The following DISP3 variants were observed in gnomAD, a reference collection of about 807,000 sequenced individuals.
DISP3 encodes the protein protein dispatched homolog 3.
In DISP3, 101 loss-of-function variants were observed where a neutral mutation model predicts 135.3. That is an observed-to-expected ratio of 0.75 (90% CI 0.64 to 0.88). The LOEUF is 0.88. DISP3 is among the 40% of genes least tolerant of loss of function. The pLI is 0.00. For synonymous variants in DISP3, 856 were observed against 817.0 expected, an observed-to-expected ratio of 1.05 and a Z score of -0.81; for missense variants, 1,713 against 1,878.6, an observed-to-expected ratio of 0.91 and a Z score of 1.63.
chr1:11,535,359 C>G (rs1364746417), intron 19 of DISP3, 119 bp from the exon 20 acceptor site: 1 of 1,393,820 alleles, frequency 7.2e-7, no homozygotes, highest in Admixed American at 2.1e-5. Flanking sequence ...CAGGGGTCCC[C>G]TCGGTGTGCC....
In DISP3 at chr1:11,530,530, G is replaced by A. The variant is rs563787910; in HGVS notation, c.3103-377G>A. Among the ~76,000 whole-genome samples the A allele has an allele frequency of 6.3e-4, 96 of 152,218 alleles. 1 individual carries two copies. Among genetic ancestry groups the A allele is most frequent in the African/African-American group, 2.2e-3 (93 of 41,530 alleles). On this transcript the variant is annotated intron_variant, in intron 15 of 20. Coordinates refer to ENST00000294484, the MANE Select transcript of DISP3 (RefSeq NM_020780.2). ...GAGTCGGAGGAGATCTGTGTGTTCA[G>A]TCCACACTGGGTGTCTGCAGGCGCT...
Position 11,516,349 on chromosome 1 carries a change from A to G in DISP3, c.1749+188A>G, listed in dbSNP as rs1296954941. Reference sequence around the variant, plus strand: ...CCCAAACTTAACAAGTGGGAATATTATAATAATCCAGACAGCATGCATTAG... The same window carrying G: ...CCCAAACTTAACAAGTGGGAATATTGTAATAATCCAGACAGCATGCATTAG... On this transcript the variant is annotated intron_variant, in intron 6 of 20. Coordinates refer to ENST00000294484, the MANE Select transcript of DISP3 (RefSeq NM_020780.2). This position sits in a 1 kb window ranked among gnomAD's most constrained non-coding sequence, Gnocchi z 5.1. 3.9e-5 allele frequency among the ~76,000 whole-genome samples: 6 copies of G among 152,218 alleles called. No homozygotes were observed. Among genetic ancestry groups the G allele is most frequent in the Admixed American group, 3.9e-4 (6 of 15,290 alleles).
chr1:11,490,796 C>T (rs1325412385), intron 1 of DISP3, among the ~76,000 whole-genome samples: 2 of 152,136 alleles, frequency 1.3e-5, no homozygotes, highest in East Asian at 1.9e-4. Context: ...TCCAATCCAG[C>T]TCAGCTCTGT....
intron 13 of DISP3, among the ~76,000 whole-genome samples, chr1:11,527,922 A>G (rs1642470556): frequency 6.6e-6 from 1 of 152,044 alleles, no homozygotes; most frequent in Non-Finnish European, 1.5e-5. Context: ...TCCTGGCCCC[A>G]TTGCCACCTG....
At chr1:11,509,843 G>A (rs1641808889) in intron 3 of DISP3, among the ~76,000 whole-genome samples, 1 of 152,190 alleles carries the variant, frequency 6.6e-6, no homozygotes, top group Non-Finnish European at 1.5e-5. Context: ...GCTCACGCCT[G>A]TAATCCTAGC....
chr1:11,536,863 G>A lies in DISP3; in HGVS notation c.*177G>A. 1 of 926,354 alleles carries A rather than the reference G, an allele frequency of 1.1e-6. No homozygotes were observed. The highest frequency in any genetic ancestry group is 1.5e-6 in the Non-Finnish European group (1 of 648,594). The allele number at this position is 926,354 out of a possible 1,614,324, so 57.4% of individuals were successfully genotyped here. A position where few individuals can be genotyped will look rare whatever the true frequency, so the allele number is the denominator to read the frequency against. ...TGGACCATGCTGCCTTGTGGAGCTG[G>A]GAGTTGGAGACAGCCGCCACCCCAC... On this transcript the variant is annotated 3_prime_UTR_variant, in exon 21 of 21. Coordinates refer to ENST00000294484, the MANE Select transcript of DISP3 (RefSeq NM_020780.2). The surrounding 1 kb of genome is among the most constrained non-coding windows in gnomAD (Gnocchi z 4.3).
rs1298752356 is a variant in DISP3, at chr1:11,536,128, G to A, written c.3817-196G>A. ...TCAACTCAGTTACACAGGACCTACT[G>A]TGCAGACCCTCGCGTCCTGTTGCCA... On this transcript the variant is annotated intron_variant, in intron 20 of 20. Transcript: ENST00000294484. This position sits in a 1 kb window ranked among gnomAD's most constrained non-coding sequence, Gnocchi z 4.3. 2.0e-5 allele frequency among the ~76,000 whole-genome samples: 3 copies of A among 152,160 alleles called. No individual in the cohort carries two copies. Among genetic ancestry groups the A allele is most frequent in the African/African-American group, 4.8e-5 (2 of 41,426 alleles).
intron 2 of DISP3, 42 bp downstream of exon 2, chr1:11,502,130 T>G: frequency 3.3e-6 from 5 of 1,518,214 alleles, no homozygotes; most frequent in Non-Finnish European, 4.4e-6. Context: ...GGTCCAGGTT[T>G]CATACAGCTC....
intron 1 of DISP3, among the ~76,000 whole-genome samples, chr1:11,489,788 C>G (rs1372395039): frequency 6.6e-6 from 1 of 152,218 alleles, no homozygotes; most frequent in Non-Finnish European, 1.5e-5. Flanking sequence ...GCCCCAGGCA[C>G]AGATCCCCTG....
rs1020091708 is a variant in DISP3 at position 11,530,877 on chromosome 1, C to T, written c.3103-30C>T. 3.7e-6 allele frequency: 6 copies of T among 1,612,408 alleles called. No homozygotes were observed. The South Asian group carries it at 5.5e-5, about 15-fold the overall frequency. ...ACTGAGTCCCCGTCTCACTGAGCGG[C>T]CCGGGCCGGCTTGTTTCTCCTTGGG... is the stretch of plus-strand genomic sequence containing the variant. On this transcript the variant is annotated intron_variant, in intron 15 of 20. Transcript: ENST00000294484.
intron 17 of DISP3, chr1:11,533,925 C>T: frequency 1.4e-6 from 1 of 709,604 alleles, no homozygotes. Flanking sequence ...ATTCACAGTC[C>T]CACCTGCCAG....
At chr1:11,488,001 G>A (rs541137001) in intron 1 of DISP3, among the ~76,000 whole-genome samples, 10 of 152,196 alleles carry the variant, frequency 6.6e-5, no homozygotes, top group Admixed American at 6.5e-5. Context: ...TAACTGGTGC[G>A]TGGGGAGGGG....
intron 1 of DISP3, among the ~76,000 whole-genome samples, chr1:11,500,740 C>CT (rs1462457324): frequency 2.0e-5 from 3 of 152,114 alleles, no homozygotes; most frequent in African/African-American, 4.8e-5. Flanking sequence ...TGCGATTTTC[C>CT]TTTTTTCTGT....
chr1:11,535,439 CG>C, intron 19 of DISP3, 38 bp from the exon 20 acceptor site: 1 of 1,569,312 alleles, frequency 6.4e-7, no homozygotes, highest in Non-Finnish European at 8.7e-7. Flanking sequence ...GCCTCCAGGG[CG>C]GGGGATCCGA....
chr1:11,501,404 C>G lies in DISP3; in HGVS notation c.412C>G (p.Arg138Gly). The part of the protein sequence containing the change: ...SQFGSWGRNR[R>G]DLADFTSETL... ...GTTTGGATCCTGGGGGCGGAACCGGCGCGATTTGGCCGACTTCACCTCCGA... is the reference window on the plus strand; with the variant it reads ...GTTTGGATCCTGGGGGCGGAACCGGGGCGATTTGGCCGACTTCACCTCCGA... The change falls in exon 2 of 21, where the codon CGC (arginine) becomes GGC (glycine). Residue 138 changes from arginine to glycine, a missense_variant. By Grantham distance (125) the Arg-to-Gly change is moderately radical. This residue lies in a region of DISP3 where 571 missense variants were observed against 494.1 expected (regional missense o/e 1.16). Transcript: ENST00000294484. This position sits in a 1 kb window ranked among gnomAD's most constrained non-coding sequence, Gnocchi z 4.9. The G allele has an allele frequency of 1.3e-6, 2 of 1,597,516 alleles. No homozygotes were observed. Among genetic ancestry groups the G allele is most frequent in the East Asian group, 4.5e-5 (2 of 44,774 alleles).
chr1:11,514,239 T>C, intron 3 of DISP3, 151 bp from the exon 4 acceptor site: 1 of 925,610 alleles, frequency 1.1e-6, no homozygotes, highest in East Asian at 2.4e-5. Flanking sequence ...ATCAGGATTA[T>C]TGGAAGCCCC....
Position 11,531,066 on chromosome 1 carries a change from G to C in DISP3, c.3229+33G>C. 6.2e-6 allele frequency: 10 copies of C among 1,610,330 alleles called. No individual in the cohort carries two copies. Among genetic ancestry groups the C allele is most frequent in the Non-Finnish European group, 8.5e-6 (10 of 1,179,562 alleles). On this transcript the variant is annotated intron_variant, in intron 16 of 20. Coordinates refer to ENST00000294484, the MANE Select transcript of DISP3 (RefSeq NM_020780.2). This position sits in a 1 kb window ranked among gnomAD's most constrained non-coding sequence, Gnocchi z 5.2. Reference sequence around the variant, plus strand: ...GGGTGTGGGGAGCTGGTTCCTCCGAGGGAGGATGGACTGACTGGGGAGGCA... The same window carrying C: ...GGGTGTGGGGAGCTGGTTCCTCCGACGGAGGATGGACTGACTGGGGAGGCA...
chr1:11,480,677 GCACACACACA>G (rs70983561), intron 1 of DISP3, among the ~76,000 whole-genome samples: 351 of 142,580 alleles, frequency 2.5e-3, no homozygotes, highest in African/African-American at 5.1e-3. Flanking sequence ...GCGCGCGCGT[GCACACACACA>G]CACACACACA....
chr1:11,489,219 G>A lies in DISP3; in HGVS notation c.-4+9847G>A, dbSNP rs568034431. On this transcript the variant is annotated intron_variant, in intron 1 of 20. Transcript: ENST00000294484. ...AGCTCCATCCCGAGTGCCTCATGGC[G>A]GCCCCTCAGCAGGTTTGAGCACGTT... Among the ~76,000 whole-genome samples the A allele has an allele frequency of 7.2e-5, 11 of 152,324 alleles. 2 individuals carry two copies. The South Asian group carries it at 2.1e-3, about 29-fold the overall frequency.
Sources: allele counts gnomAD v4.1 joint callset (sites outside exome capture counted in the v4.1 genomes callset), GRCh38; gene constraint gnomAD v4.1.1; regional missense constraint gnomAD v4.1.1; non-coding constraint Gnocchi (gnomAD v3.1); transcripts MANE v1.5; gene names NCBI Gene and HGNC (gene_info 2026-07-23, HGNC 2026-07-21).